The following EHD1 variants were observed in gnomAD, a reference collection of about 807,000 sequenced individuals.
EHD1 encodes the protein EH domain-containing protein 1.
In EHD1, 19 loss-of-function variants were observed where a neutral mutation model predicts 39.0. The ratio of observed to expected loss-of-function variants is 0.49; its 90% CI spans 0.34 to 0.72. The LOEUF is 0.72. Among genes scored for constraint, EHD1 ranks in the 30% least tolerant of loss-of-function variants. The pLI is 0.01. For synonymous variants in EHD1, 323 were observed against 331.2 expected (o/e 0.98, Z 0.27); for missense variants, 542 against 751.5 (o/e 0.72, Z 3.26).
At chr11:64,855,569 A>G in intron 3 of EHD1, 83 bp from the exon 4 acceptor site, 3 of 1,578,208 alleles carry the variant, frequency 1.9e-6, no homozygotes, top group Non-Finnish European at 2.6e-6. Context: ...CTCCAAGGAT[A>G]CTCCAAGGTG....
At chr11:64,866,899 A>G (rs1943773174) in intron 2 of EHD1, among the ~76,000 whole-genome samples, 1 of 152,084 alleles carries the variant, frequency 6.6e-6, no homozygotes. Context: ...AGGAGTAATC[A>G]AGTGCACAGA....
intron 3 of EHD1, chr11:64,856,654 G>C (rs1483483407): frequency 6.6e-6 from 1 of 152,382 alleles, no homozygotes; most frequent in African/African-American, 2.4e-5. Flanking sequence ...TGCCCTGGGT[G>C]GGGGCCTGGC....
chr11:64,861,439 C>T (rs1943715465), intron 2 of EHD1, among the ~76,000 whole-genome samples: 3 of 152,174 alleles, frequency 2.0e-5, no homozygotes, highest in Admixed American at 2.0e-4. Flanking sequence ...AGTGTTGCCA[C>T]CTGCCTGCTG....
Position 64,853,133 on chromosome 11 carries a change from T to G in EHD1, c.*1200A>C, listed in dbSNP as rs1430981199. On this transcript the variant is annotated 3_prime_UTR_variant, in exon 5 of 5. Transcript: ENST00000320631. The stretch of plus-strand genomic sequence containing the variant: ...GGCCCGGGCCACTGGGCCGCAAGGT[T>G]CTGGTTTCTTATTGCTCAACCTGGG... The G allele has an allele frequency of 7.2e-6, 1 of 139,016 alleles. No individual in the cohort carries two copies. Among genetic ancestry groups the G allele is most frequent in the Admixed American group, 7.5e-5 (1 of 13,344 alleles). The allele number at this position is 139,016 out of a possible 1,614,324, so 8.6% of individuals were successfully genotyped here. A position where few individuals can be genotyped will look rare whatever the true frequency, so the allele number is the denominator to read the frequency against.
In EHD1 at chr11:64,854,571, G is replaced by A; in HGVS notation, c.1367C>T (p.Ser456Phe). Residue 456 changes from serine to phenylalanine, a missense_variant, in exon 5 of 5, where the codon TCC becomes TTC. Ser to Phe is a radical substitution (Grantham distance 155). Coordinates refer to ENST00000320631, the MANE Select transcript of EHD1 (RefSeq NM_006795.4). ...PTYDEIFYTL[S>F]PVNGKITGAN... ...GCCCGTGATCTTGCCGTTGACAGGG[G>A]ACAGCGTGTAGAAGATCTCGTCGTA... 4 of 1,614,140 alleles carry A rather than the reference G, an allele frequency of 2.5e-6. No individual in the cohort carries two copies. The highest frequency in any genetic ancestry group is 3.4e-6 in the Non-Finnish European group (4 of 1,179,998).
chr11:64,854,219 GC>G lies in EHD1; in HGVS notation c.*113del. 1 of 1,431,666 alleles carries G rather than the reference GC, an allele frequency of 7.0e-7. No homozygotes were observed. Among genetic ancestry groups the G allele is most frequent in the Non-Finnish European group, 9.2e-7 (1 of 1,092,666 alleles). The allele number at this position is 1,431,666 out of a possible 1,614,324, so 88.7% of individuals were successfully genotyped here. A position where few individuals can be genotyped will look rare whatever the true frequency, so the allele number is the denominator to read the frequency against. On this transcript the variant is annotated 3_prime_UTR_variant, in exon 5 of 5. Transcript: ENST00000320631. ...AGATGGTGGTTTTCCTTTTCGAGAG[GC>G]GAGGAAACATCCGCTCAGTCTTTAT... is the stretch of plus-strand genomic sequence containing the variant.
rs1943796802 is a variant in EHD1 at position 64,868,836 on chromosome 11, AG to A, written c.502+5584del. 2.0e-5 allele frequency among the ~76,000 whole-genome samples: 3 copies of A among 152,220 alleles called. No individual in the cohort carries two copies. Among genetic ancestry groups the A allele is most frequent in the Non-Finnish European group, 4.4e-5 (3 of 68,036 alleles). On this transcript the variant is annotated intron_variant, in intron 2 of 4. Coordinates refer to ENST00000320631, the MANE Select transcript of EHD1 (RefSeq NM_006795.4). This position sits in a 1 kb window ranked among gnomAD's most constrained non-coding sequence, Gnocchi z 4.2. Reference sequence around the variant, plus strand: ...ACAAAAGAGGGGCGGGAGGGGGCAGAGGAACTCTGGAATCAGGCCCACATTT... The same window carrying A: ...ACAAAAGAGGGGCGGGAGGGGGCAGAGAACTCTGGAATCAGGCCCACATTT...
chr11:64,875,846 G>T (rs567165747), intron 1 of EHD1, among the ~76,000 whole-genome samples: 7 of 152,252 alleles, frequency 4.6e-5, no homozygotes, highest in Non-Finnish European at 1.0e-4. Flanking sequence ...ATGAAGGCCA[G>T]TCCTGGCCTT....
chr11:64,868,463 G>GC lies in EHD1; in HGVS notation c.502+5957dup, dbSNP rs1943792321. On this transcript the variant is annotated intron_variant, in intron 2 of 4. Coordinates refer to ENST00000320631, the MANE Select transcript of EHD1 (RefSeq NM_006795.4). This position sits in a 1 kb window ranked among gnomAD's most constrained non-coding sequence, Gnocchi z 4.2. ...AGGTGAATGGATGACAACGGATGGT[G>GC]CATCCCTATGATGGGACAAGGACCC... Among the ~76,000 whole-genome samples the GC allele has an allele frequency of 6.6e-6, 1 of 152,212 alleles. No individual in the cohort carries two copies. The highest frequency in any genetic ancestry group is 6.5e-5 in the Admixed American group (1 of 15,288).
chr11:64,871,258 G>A (rs1040283622), intron 2 of EHD1, among the ~76,000 whole-genome samples: 2 of 152,138 alleles, frequency 1.3e-5, no homozygotes, highest in Non-Finnish European at 2.9e-5. Flanking sequence ...CCATCTTTCC[G>A]AGAGGGAAAC....
In EHD1 at chr11:64,854,855, T is replaced by G. The variant is rs189447161; in HGVS notation, c.1083A>C (p.Glu361Asp). ...TGCTGAAGTCCTGGGTCTGCAGGAG[T>G]TCCTGTGGGCGGGGGAGGAAGGACA... ...GDFPSLRKMQ[E>D]LLQTQDFSKF... Residue 361 changes from glutamate to aspartate, a missense_variant and splice_region_variant, in exon 5 of 5, where the codon GAA (glutamate) becomes GAC (aspartate). Transcript: ENST00000320631. 9.6e-5 allele frequency: 154 copies of G among 1,596,762 alleles called. No individual in the cohort carries two copies. The East Asian group carries it at 3.3e-3, about 35-fold the overall frequency.
upstream of EHD1, chr11:64,879,639 C>T (rs1365011978): frequency 1.3e-6 from 2 of 1,551,036 alleles, no homozygotes; most frequent in South Asian, 2.4e-5. Flanking sequence ...ATGGGGCTCA[C>T]TCCCCCGCCA....
chr11:64,878,943 C>T (rs1253745448), upstream of EHD1: 3 of 1,009,968 alleles, frequency 3.0e-6, no homozygotes, highest in Non-Finnish European at 3.5e-6. Flanking sequence ...CTTCCGGCAC[C>T]GTGGCCCCCC....
intron 2 of EHD1, among the ~76,000 whole-genome samples, chr11:64,869,785 T>C (rs572609890): frequency 1.3e-5 from 2 of 152,268 alleles, no homozygotes; most frequent in South Asian, 2.1e-4. Flanking sequence ...CTGGGAGCAT[T>C]TGATGGTCTT....
intron 3 of EHD1, among the ~76,000 whole-genome samples, chr11:64,858,013 C>A (rs79034234): frequency 6.8e-6 from 1 of 147,366 alleles, no homozygotes; most frequent in Non-Finnish European, 1.5e-5. Context: ...GAGATAGGAG[C>A]TACGGCAAGG....
upstream of EHD1, chr11:64,878,637 C>G: frequency 7.1e-7 from 1 of 1,398,866 alleles, no homozygotes; most frequent in Non-Finnish European, 9.2e-7. Flanking sequence ...GCACCCCTCG[C>G]GGAGCGGCCT....
intron 2 of EHD1, among the ~76,000 whole-genome samples, chr11:64,865,608 C>G (rs933679411): frequency 6.6e-5 from 10 of 152,190 alleles, no homozygotes; most frequent in African/African-American, 2.4e-4. Flanking sequence ...GAGTAAAAGC[C>G]AGAGCCCCCT....
At chr11:64,873,646 G>C (rs1466091636) in intron 2 of EHD1, among the ~76,000 whole-genome samples, 2 of 152,192 alleles carry the variant, frequency 1.3e-5, no homozygotes, top group African/African-American at 4.8e-5. Context: ...TGTGGAGATG[G>C]GAGGCTGATG....
rs1943791417 is a variant in EHD1 at position 64,868,392 on chromosome 11, A to G, written c.502+6029T>C. 6.6e-6 allele frequency among the ~76,000 whole-genome samples: 1 copy of G among 152,128 alleles called. No homozygotes were observed. Among genetic ancestry groups the G allele is most frequent in the South Asian group, 2.1e-4 (1 of 4,824 alleles). ...CAGCACACGCCCACACGAACCACGT[A>G]CTTGACTCAAAACTGCCCCGGGTGG... On this transcript the variant is annotated intron_variant, in intron 2 of 4. Coordinates refer to ENST00000320631, the MANE Select transcript of EHD1 (RefSeq NM_006795.4). This position sits in a 1 kb window ranked among gnomAD's most constrained non-coding sequence, Gnocchi z 4.2.
Sources: allele counts gnomAD v4.1 joint callset (sites outside exome capture counted in the v4.1 genomes callset), GRCh38; gene constraint gnomAD v4.1.1; non-coding constraint Gnocchi (gnomAD v3.1); transcripts MANE v1.5; gene names NCBI Gene and HGNC (gene_info 2026-07-23, HGNC 2026-07-21).